Variants in LRRTM4 observed in about 807,000 individuals in gnomAD.
The protein encoded by LRRTM4 is leucine rich repeat transmembrane neuronal 4.
In LRRTM4, 25 loss-of-function variants were observed where a neutral mutation model predicts 47.6. The observed-to-expected ratio is 0.53, with a 90% CI of 0.38 to 0.73. LRRTM4 has a LOEUF of 0.73. Ranked by LOEUF, LRRTM4 falls within the 30% of genes least tolerant of loss-of-function variation. LRRTM4 has a pLI of 0.00. For missense variants in LRRTM4, 638 were observed against 713.4 expected, an observed-to-expected ratio of 0.89 and a Z score of 1.20; for synonymous variants, 311 against 269.5, an observed-to-expected ratio of 1.15 and a Z score of -1.51.
intron 3 of LRRTM4, among the ~76,000 whole-genome samples, chr2:77,450,080 C>T (rs1251480285): frequency 6.6e-6 from 1 of 152,094 alleles, no homozygotes; most frequent in Non-Finnish European, 1.5e-5. Flanking sequence ...CATGAAACAA[C>T]TATATATCAA....
chr2:77,311,409 G>C (rs902929609), intron 3 of LRRTM4, among the ~76,000 whole-genome samples: 1 of 152,128 alleles, frequency 6.6e-6, no homozygotes, highest in Admixed American at 6.5e-5. Flanking sequence ...TGGAGTACCT[G>C]GGTGAAGAGC....
intron 3 of LRRTM4, among the ~76,000 whole-genome samples, chr2:76,776,894 C>G (rs1196750069): frequency 1.4e-5 from 2 of 142,750 alleles, no homozygotes; most frequent in African/African-American, 5.3e-5. Flanking sequence ...GGTTTTAGGT[C>G]TAATGTTTAA....
Position 77,130,824 on chromosome 2 carries a change from A to ATTTTTTTTT in LRRTM4, c.1552-381917_1552-381909dup, listed in dbSNP as rs768577274. 8.4e-4 allele frequency among the ~76,000 whole-genome samples: 30 copies of ATTTTTTTTT among 35,634 alleles called. 2 individuals carry two copies. The highest frequency in any genetic ancestry group is 3.3e-3 in the East Asian group (3 of 910). 23.4% of individuals were successfully genotyped at this position (35,634 alleles called of 152,430 possible). A position where few individuals can be genotyped will look rare whatever the true frequency, so the allele number is the denominator to read the frequency against. ...CCGTGCCCGGCCAATTATTTGTTCTATTTTTTTTTTTTTTTTTTTTTTTTT... is the reference window on the plus strand; with the variant it reads ...CCGTGCCCGGCCAATTATTTGTTCTATTTTTTTTTTTTTTTTTTTTTTTTTTTTTTTTTT... On this transcript the variant is annotated intron_variant, in intron 3 of 3. Coordinates refer to ENST00000409884, the MANE Select transcript of LRRTM4 (RefSeq NM_001134745.3).
At chr2:77,446,442 T>C (rs1287662618) in intron 3 of LRRTM4, among the ~76,000 whole-genome samples, 2 of 152,028 alleles carry the variant, frequency 1.3e-5, no homozygotes. Context: ...TTCAAAGATA[T>C]AATATTGGGT....
rs757577684 is a variant in LRRTM4, at chr2:77,519,695, G to A, written c.174C>T (p.Asn58=). Residue 58 remains asparagine, a synonymous_variant, in exon 3 of 4, where the codon AAC becomes AAT. Coordinates refer to ENST00000409884, the MANE Select transcript of LRRTM4 (RefSeq NM_001134745.3). The surrounding 1 kb of genome is among the most constrained non-coding windows in gnomAD (Gnocchi z 4.6). ...ATAAGCCTTGTGACCCTCCAGAAAT[G>A]TTCTCAGGGATATCTGCGAAAGCAT... The part of the protein sequence containing the change: ...ESHAFADIPE[N]ISGGSQGLSL... The A allele has an allele frequency of 6.2e-7, 1 of 1,613,376 alleles. No homozygotes were observed. The highest frequency in any genetic ancestry group is 1.7e-5 in the Admixed American group (1 of 59,900).
chr2:77,310,003 T>C (rs1318538950), intron 3 of LRRTM4, among the ~76,000 whole-genome samples: 1 of 152,144 alleles, frequency 6.6e-6, no homozygotes, highest in Admixed American at 6.5e-5. Context: ...ACAGAGACTA[T>C]CTAGGCAACA....
intron 3 of LRRTM4, among the ~76,000 whole-genome samples, chr2:77,507,916 A>T (rs1678841363): frequency 6.6e-6 from 1 of 152,124 alleles, no homozygotes; most frequent in Non-Finnish European, 1.5e-5. Context: ...CTCAAAAAAG[A>T]TCTATGATGC....
chr2:76,980,374 A>G (rs17405864), intron 3 of LRRTM4, among the ~76,000 whole-genome samples: 18,256 of 152,132 alleles, frequency 0.12, 1,388 homozygotes, highest in Admixed American at 0.19. Context: ...TCTTGTATGT[A>G]TAAAAGAAAA....
chr2:77,404,069 A>G (rs1331118215), intron 3 of LRRTM4, among the ~76,000 whole-genome samples: 1 of 152,018 alleles, frequency 6.6e-6, no homozygotes, highest in African/African-American at 2.4e-5. Context: ...CTTTCGAGTC[A>G]TAACTTGTCT....
chr2:77,056,165 A>G (rs1395637993), intron 3 of LRRTM4, among the ~76,000 whole-genome samples: 1 of 143,972 alleles, frequency 6.9e-6, no homozygotes, highest in Admixed American at 7.1e-5. Flanking sequence ...CATTGTGCAC[A>G]TGTACCCTAA....
At chr2:77,189,901 A>G (rs1381357769) in intron 3 of LRRTM4, among the ~76,000 whole-genome samples, 1 of 152,130 alleles carries the variant, frequency 6.6e-6, no homozygotes, top group Non-Finnish European at 1.5e-5. Context: ...GCTTTTAATA[A>G]ATGTATAAAT....
intron 3 of LRRTM4, among the ~76,000 whole-genome samples, chr2:77,080,035 C>T (rs1231314489): frequency 2.0e-5 from 3 of 152,092 alleles, no homozygotes; most frequent in Admixed American, 2.0e-4. Flanking sequence ...TTTTCATTCT[C>T]TCTAAATTTA....
chr2:77,245,133 A>G (rs1434718230), intron 3 of LRRTM4, among the ~76,000 whole-genome samples: 1 of 152,164 alleles, frequency 6.6e-6, no homozygotes, highest in Non-Finnish European at 1.5e-5. Flanking sequence ...GAGAGACAAA[A>G]ATAGAAGTGC....
At chr2:77,022,275 G>T (rs973208073) in intron 3 of LRRTM4, among the ~76,000 whole-genome samples, 3 of 152,116 alleles carry the variant, frequency 2.0e-5, no homozygotes, top group Non-Finnish European at 4.4e-5. Flanking sequence ...TCTCCCACCA[G>T]GTCCCTCCTA....
rs768577274 is a variant in LRRTM4, at chr2:77,130,824, ATTTTTTTTT to A, written c.1552-381917_1552-381909del. 3.6e-4 allele frequency among the ~76,000 whole-genome samples: 13 copies of A among 35,630 alleles called. No individual in the cohort carries two copies. In the South Asian group the frequency reaches 4.0e-3, roughly 11 times the overall value. The allele number at this position is 35,630 out of a possible 152,430, so 23.4% of individuals were successfully genotyped here. ...CCGTGCCCGGCCAATTATTTGTTCTATTTTTTTTTTTTTTTTTTTTTTTTTTTTGAGACG... is the reference window on the plus strand; with the variant it reads ...CCGTGCCCGGCCAATTATTTGTTCTATTTTTTTTTTTTTTTTTTTGAGACG... On this transcript the variant is annotated intron_variant, in intron 3 of 3. Coordinates refer to ENST00000409884, the MANE Select transcript of LRRTM4 (RefSeq NM_001134745.3).
At chr2:77,462,948 A>T (rs546250811) in intron 3 of LRRTM4, among the ~76,000 whole-genome samples, 2 of 152,046 alleles carry the variant, frequency 1.3e-5, no homozygotes, top group South Asian at 4.1e-4. Context: ...TACACAGAAG[A>T]AATGACTAAA....
chr2:77,143,564 A>G lies in LRRTM4; in HGVS notation c.1551+374754T>C, dbSNP rs578058326. Among the ~76,000 whole-genome samples the G allele has an allele frequency of 8.1e-4, 124 of 152,304 alleles. 1 individual carries two copies. The South Asian group carries it at 0.012, about 15-fold the overall frequency. ...TAATAAATTACTTTGTCTCTCCAAA[A>G]TTTCAGTGAAAATAATGGTAAACAA... On this transcript the variant is annotated intron_variant, in intron 3 of 3. Transcript: ENST00000409884.
chr2:77,263,576 G>T (rs1675974085), intron 3 of LRRTM4, among the ~76,000 whole-genome samples: 1 of 152,086 alleles, frequency 6.6e-6, no homozygotes, highest in Non-Finnish European at 1.5e-5. Context: ...TCAGAAAATT[G>T]GTTGAAGTGG....
At chr2:76,816,004 A>G (rs1670886179) in intron 3 of LRRTM4, among the ~76,000 whole-genome samples, 1 of 151,388 alleles carries the variant, frequency 6.6e-6, no homozygotes, top group Non-Finnish European at 1.5e-5. Context: ...TGAGATGGGG[A>G]GGTATTGGAA....
Sources: allele counts gnomAD v4.1 joint callset (sites outside exome capture counted in the v4.1 genomes callset), GRCh38; gene constraint gnomAD v4.1.1; non-coding constraint Gnocchi (gnomAD v3.1); transcripts MANE v1.5; gene names NCBI Gene and HGNC (gene_info 2026-07-23, HGNC 2026-07-21).